HSPBAP1: variants seen among roughly 807,000 people sequenced by gnomAD.
HSPBAP1 encodes HSPB1-associated protein 1.
Under a neutral mutation model 45.2 loss-of-function variants are expected in HSPBAP1, and 27 were observed. That is an observed-to-expected ratio of 0.60 (90% confidence interval 0.44 to 0.82). The LOEUF is 0.82. Among genes scored for constraint, HSPBAP1 ranks in the 40% least tolerant of loss-of-function variants. The pLI is 0.00. For synonymous variants in HSPBAP1, 204 were observed against 202.7 expected (o/e 1.01, Z -0.06); for missense variants, 510 against 590.9 (o/e 0.86, Z 1.42).
chr3:122,778,445 G>T (rs1371896309), intron 1 of HSPBAP1, among the ~76,000 whole-genome samples: 1 of 151,300 alleles, frequency 6.6e-6, no homozygotes, highest in East Asian at 1.9e-4. Flanking sequence ...TAACCGTCAA[G>T]CTAGACATTT....
Position 122,785,638 on chromosome 3 carries a change from C to T in HSPBAP1, c.65-7732G>A, listed in dbSNP as rs983109785. Among the ~76,000 whole-genome samples the T allele has an allele frequency of 5.3e-5, 8 of 152,144 alleles. No homozygotes were observed. The South Asian group carries it at 6.2e-4, about 12-fold the overall frequency. ...ATCTCTCTCCCCAGCTGTGGGACCC[C>T]GTTACAGTAGTCCTTACATCTATGG... is the stretch of plus-strand genomic sequence containing the variant. On this transcript the variant is annotated intron_variant, in intron 1 of 7. Coordinates refer to ENST00000306103, the MANE Select transcript of HSPBAP1 (RefSeq NM_024610.6).
At chr3:122,773,303 G>GTTTTTTTTTTTTTTTTTTTTTTTTTTTTT in intron 2 of HSPBAP1, among the ~76,000 whole-genome samples, 1 of 84,424 alleles carries the variant, frequency 1.2e-5, no homozygotes, top group Non-Finnish European at 2.2e-5. Flanking sequence ...AAATAAATGT[G>GTTTTTTTTTTTTTTTTTTTTTTTTTTTTT]TTTTTTTTTT....
At chr3:122,761,615 GT>G (rs11413351) in intron 3 of HSPBAP1, 3,661 of 137,826 alleles carry the variant, frequency 0.027, 149 homozygotes, top group African/African-American at 0.092. Context: ...CTACAAAAAG[GT>G]TTTTTTTTTT....
At position 122,791,599 on chromosome 3, in the gene HSPBAP1, G is replaced by C. The variant is rs140476495; in HGVS notation, c.64+2018C>G. On this transcript the variant is annotated intron_variant, in intron 1 of 7. Coordinates refer to ENST00000306103, the MANE Select transcript of HSPBAP1 (RefSeq NM_024610.6). The stretch of plus-strand genomic sequence containing the variant: ...TGTAGTAAGTAAAATGACAGAAGCA[G>C]GATGCTGTATTCCAGAACATCTAGG... Among the ~76,000 whole-genome samples, 19 of 152,342 alleles carry C rather than the reference G, an allele frequency of 1.2e-4. No individual in the cohort carries two copies. In the East Asian group the frequency reaches 2.7e-3, roughly 22 times the overall value.
At chr3:122,782,951 AGCCC>A (rs1935537680) in intron 1 of HSPBAP1, among the ~76,000 whole-genome samples, 1 of 152,230 alleles carries the variant, frequency 6.6e-6, no homozygotes, top group Admixed American at 6.5e-5. Context: ...TCCCTTCTTA[AGCCC>A]TCAGTGAAAG....
rs773419642 is a variant in HSPBAP1, at chr3:122,741,048, A to C, written c.891T>G (p.Thr297=). The part of the protein sequence containing the change: ...ITRMLVCALK[T]AENPQNTRAW... Reference sequence around the variant, plus strand: ...CTCTGGTATTTTGTGGATTCTCTGCAGTTTTCAGGGCACACACAAGCATAC... The same window carrying C: ...CTCTGGTATTTTGTGGATTCTCTGCCGTTTTCAGGGCACACACAAGCATAC... The change falls in exon 7 of 8, where the codon ACT becomes ACG. Residue 297 remains threonine (T), a synonymous_variant. Coordinates refer to ENST00000306103, the MANE Select transcript of HSPBAP1 (RefSeq NM_024610.6). 6.2e-7 allele frequency: 1 copy of C among 1,614,194 alleles called. No homozygotes were observed. The highest frequency in any genetic ancestry group is 8.5e-7 in the Non-Finnish European group (1 of 1,180,022).
chr3:122,741,316 A>G (rs1933661403), intron 6 of HSPBAP1: 1 of 574,728 alleles, frequency 1.7e-6, no homozygotes, highest in Admixed American at 3.0e-5. Flanking sequence ...TATTTCACCA[A>G]TCAAATTTAA....
chr3:122,744,420 T>C (rs1410670547), intron 6 of HSPBAP1, among the ~76,000 whole-genome samples: 1 of 152,174 alleles, frequency 6.6e-6, no homozygotes, highest in East Asian at 1.9e-4. Flanking sequence ...TGGAGCTAAA[T>C]TTGGCAAAAA....
Position 122,768,857 on chromosome 3 carries a change from A to G in HSPBAP1, c.276T>C (p.Asn92=). The G allele has an allele frequency of 3.1e-6, 5 of 1,611,828 alleles. No individual in the cohort carries two copies. Among genetic ancestry groups the G allele is most frequent in the Non-Finnish European group, 4.2e-6 (5 of 1,178,062 alleles). Residue 92 remains asparagine (N), a synonymous_variant, in exon 3 of 8, where the codon AAT becomes AAC. Transcript: ENST00000306103. Reference sequence around the variant, plus strand: ...ACTCTTCGAGTGTAGCTTCTACGTAATTACATGTAGTTTCAAACTGAGGAA... The same window carrying G: ...ACTCTTCGAGTGTAGCTTCTACGTAGTTACATGTAGTTTCAAACTGAGGAA... ...STVPQFETTC[N]YVEATLEEFL... is the part of the protein sequence containing the mutation.
rs1934348011 is a variant in HSPBAP1, at chr3:122,756,134, GA to G, written c.570-704del. Among the ~76,000 whole-genome samples the G allele has an allele frequency of 3.3e-5, 5 of 152,006 alleles. No individual in the cohort carries two copies. In the South Asian group the frequency reaches 1.0e-3, roughly 31 times the overall value. On this transcript the variant is annotated intron_variant, in intron 4 of 7. Coordinates refer to ENST00000306103, the MANE Select transcript of HSPBAP1 (RefSeq NM_024610.6). ...TGAGGCAAAAGCGAGAGAAGTATGA[GA>G]AAAAAATGAGACCCAGACATCTAGA... is the stretch of plus-strand genomic sequence containing the variant.
At chr3:122,793,552 G>T in intron 1 of HSPBAP1, 65 bp downstream of exon 1, 1 of 1,449,676 alleles carries the variant, frequency 6.9e-7, no homozygotes, top group Non-Finnish European at 9.7e-7. Context: ...GCCCCACGAG[G>T]GGTGCCACGA....
At chr3:122,749,978 C>CTTT (rs369371448) in intron 6 of HSPBAP1, among the ~76,000 whole-genome samples, 1 of 140,234 alleles carries the variant, frequency 7.1e-6, no homozygotes. Flanking sequence ...GGTTTTCTTT[C>CTTT]TTTTTTTTTT....
chr3:122,790,031 T>C (rs1935775201), intron 1 of HSPBAP1, among the ~76,000 whole-genome samples: 2 of 152,058 alleles, frequency 1.3e-5, no homozygotes, highest in Admixed American at 1.3e-4. Flanking sequence ...CCCAGTTTAT[T>C]TTCGTATTTT....
intron 7 of HSPBAP1, 34 bp from the exon 8 acceptor site, chr3:122,740,909 C>T: frequency 1.2e-6 from 2 of 1,610,364 alleles, no homozygotes; most frequent in Non-Finnish European, 1.7e-6. Flanking sequence ...AAAATGGTTA[C>T]ATACATTTAG....
At chr3:122,740,959 C>T (rs1484893796) in intron 7 of HSPBAP1, 44 bp downstream of exon 7, 2 of 1,605,892 alleles carry the variant, frequency 1.2e-6, no homozygotes, top group African/African-American at 1.3e-5. Context: ...GGCTGGTTTA[C>T]CACAGGAAAC....
chr3:122,754,432 C>T, intron 5 of HSPBAP1: 1 of 613,972 alleles, frequency 1.6e-6, no homozygotes, highest in African/African-American at 2.0e-5. Context: ...CCAGAATGGG[C>T]AAATCTAGAG....
At chr3:122,766,997 C>T (rs1469993203) in intron 3 of HSPBAP1, among the ~76,000 whole-genome samples, 2 of 151,982 alleles carry the variant, frequency 1.3e-5, no homozygotes, top group South Asian at 2.1e-4. Flanking sequence ...AATGGTGGGG[C>T]GTGGGTATGA....
At chr3:122,773,008 C>G (rs987767639) in intron 2 of HSPBAP1, among the ~76,000 whole-genome samples, 1 of 151,806 alleles carries the variant, frequency 6.6e-6, no homozygotes, top group African/African-American at 2.4e-5. Flanking sequence ...ACCATCACAC[C>G]TGGCTAATTA....
chr3:122,752,873 T>A, intron 5 of HSPBAP1, 199 bp from the exon 6 acceptor site: 1 of 1,341,312 alleles, frequency 7.5e-7, no homozygotes, highest in South Asian at 1.9e-5. Flanking sequence ...CAAGTTCACA[T>A]GTTCTACAAA....
Sources: gnomAD v4.1 joint callset for allele counts (sites outside exome capture counted in the v4.1 genomes callset) on GRCh38, gnomAD v4.1.1 for gene constraint, MANE v1.5 for transcripts, NCBI Gene and HGNC (gene_info 2026-07-23, HGNC 2026-07-21) for gene names.